The following PHF21A variants were observed in gnomAD, a reference collection of about 807,000 sequenced individuals.
PHF21A encodes the protein BHC80a.
A neutral mutation model predicts 82.5 loss-of-function variants in PHF21A; 11 were observed. The observed-to-expected ratio is 0.13, with a 90% CI of 0.08 to 0.22. The LOEUF (loss-of-function observed/expected upper bound fraction) is 0.22, where lower values mean the gene tolerates loss of function less well. PHF21A is among the 10% of genes least tolerant of loss of function. PHF21A has a pLI of 1.00. For missense variants in PHF21A, 579 were observed against 837.8 expected (o/e 0.69, Z 3.81); for synonymous variants, 297 against 302.8 (o/e 0.98, Z 0.20).
chr11:45,944,852 C>T (rs1222314576), intron 15 of PHF21A, among the ~76,000 whole-genome samples: 4 of 152,216 alleles, frequency 2.6e-5, no homozygotes, highest in African/African-American at 9.6e-5. Context: ...CTGCAACCTC[C>T]GCCTCCTGGG....
intron 6 of PHF21A, among the ~76,000 whole-genome samples, chr11:45,987,510 A>C (rs1213123377): frequency 6.6e-6 from 1 of 150,408 alleles, no homozygotes; most frequent in African/African-American, 2.5e-5. Context: ...AAATACAAAA[A>C]ATTAGCTGGG....
rs5022509 is a variant in PHF21A, at chr11:45,971,894, T to C, written c.361-527A>G. On this transcript the variant is annotated intron_variant, in intron 7 of 18. Coordinates refer to ENST00000676320, the MANE Select transcript of PHF21A (RefSeq NM_001352027.3). ...AAGGACAGTGTCTTTTTCTTTCTTT[T>C]TTTTTTTTTTTATGGTGTCACCCTG... 8.8e-3 allele frequency among the ~76,000 whole-genome samples: 43 copies of C among 4,866 alleles called. 2 individuals carry two copies. Among genetic ancestry groups the C allele is most frequent in the East Asian group, 0.25 (2 of 8 alleles). The allele number at this position is 4,866 out of a possible 152,430, so 3.2% of individuals were successfully genotyped here.
chr11:46,064,651 A>G (rs1354075578), intron 6 of PHF21A, among the ~76,000 whole-genome samples: 1 of 152,192 alleles, frequency 6.6e-6, no homozygotes, highest in Non-Finnish European at 1.5e-5. Context: ...GGGGAAAAAA[A>G]GAAGTGAAGG....
chr11:46,015,321 G>A (rs2095494973), intron 6 of PHF21A, among the ~76,000 whole-genome samples: 4 of 152,142 alleles, frequency 2.6e-5, no homozygotes, highest in Non-Finnish European at 5.9e-5. Context: ...AGTTTCTTTT[G>A]CTATGCAGAA....
intron 1 of PHF21A, among the ~76,000 whole-genome samples, chr11:46,099,111 AATT>A (rs1205853321): frequency 7.9e-5 from 12 of 152,366 alleles, no homozygotes; most frequent in African/African-American, 2.4e-4. Context: ...ACACAGAAGA[AATT>A]AGTGAATTGC....
chr11:46,094,494 G>T (rs1387190647), intron 1 of PHF21A, among the ~76,000 whole-genome samples: 2 of 152,146 alleles, frequency 1.3e-5, no homozygotes, highest in African/African-American at 4.8e-5. Flanking sequence ...ACCCGCTGCA[G>T]GAGTTACTCT....
chr11:46,073,071 G>C (rs1039939050), intron 6 of PHF21A, among the ~76,000 whole-genome samples: 2 of 152,124 alleles, frequency 1.3e-5, no homozygotes, highest in African/African-American at 2.4e-5. Context: ...CATCACGCCT[G>C]TAATCCCAGC....
intron 6 of PHF21A, among the ~76,000 whole-genome samples, chr11:46,066,335 T>C (rs577132362): frequency 1.3e-5 from 2 of 152,196 alleles, no homozygotes; most frequent in Non-Finnish European, 2.9e-5. Context: ...TACATACATA[T>C]AAATATATAT....
At position 45,931,674 on chromosome 11, in the gene PHF21A, G is replaced by A. The variant is rs1274013776; in HGVS notation, c.*2294C>T. The A allele has an allele frequency of 2.6e-5, 4 of 152,220 alleles. No homozygotes were observed. The highest frequency in any genetic ancestry group is 2.1e-4 in the South Asian group (1 of 4,824). 9.4% of individuals were successfully genotyped at this position (152,220 alleles called of 1,614,324 possible). The stretch of plus-strand genomic sequence containing the variant: ...GGGTGGGAGAGAAGCTGATAGGATC[G>A]TTTCTACCTCTCCTAGACTCTGGCC... On this transcript the variant is annotated 3_prime_UTR_variant, in exon 19 of 19. Coordinates refer to ENST00000676320, the MANE Select transcript of PHF21A (RefSeq NM_001352027.3).
chr11:46,057,479 A>G (rs1274417557), intron 6 of PHF21A, among the ~76,000 whole-genome samples: 1 of 152,220 alleles, frequency 6.6e-6, no homozygotes, highest in Non-Finnish European at 1.5e-5. Context: ...TTTAGAAACT[A>G]CAAAACAGAA....
At chr11:46,030,830 CGTGT>C (rs71038879) in intron 6 of PHF21A, among the ~76,000 whole-genome samples, 1,584 of 142,280 alleles carry the variant, frequency 0.011, 14 homozygotes, top group African/African-American at 0.026. Flanking sequence ...CGTGTGTGTG[CGTGT>C]GTGTGTGTGT....
rs533328203 is a variant in PHF21A at position 46,038,094 on chromosome 11, G to C, written c.153+38660C>G. On this transcript the variant is annotated intron_variant, in intron 6 of 18. Transcript: ENST00000676320. ...TTTGTTATCTGCCTCCCTGTATTGA[G>C]TTTACTTGTATACTCCTATTTCTCT... 4.7e-5 allele frequency among the ~76,000 whole-genome samples: 7 copies of C among 150,412 alleles called. No individual in the cohort carries two copies. In the Middle Eastern group the frequency reaches 0.021, roughly 442 times the overall value.
intron 9 of PHF21A, among the ~76,000 whole-genome samples, chr11:45,969,067 C>T (rs2093616009): frequency 6.6e-6 from 1 of 152,030 alleles, no homozygotes; most frequent in Non-Finnish European, 1.5e-5. Flanking sequence ...ACTGCCCATC[C>T]TTCTCCCCAG....
chr11:45,935,845 T>G, intron 17 of PHF21A, 106 bp from the exon 18 acceptor site: 2 of 650,160 alleles, frequency 3.1e-6, no homozygotes, highest in South Asian at 2.0e-5. Flanking sequence ...TCCCCAGAGC[T>G]CCCATGAGTC....
chr11:46,057,269 T>C (rs796537451), intron 6 of PHF21A, among the ~76,000 whole-genome samples: 5 of 152,278 alleles, frequency 3.3e-5, no homozygotes, highest in African/African-American at 1.2e-4. Flanking sequence ...AGCTATAATC[T>C]TTGCATGTCT....
chr11:45,934,462 GA>G (rs1423570247), intron 18 of PHF21A: 2 of 516,488 alleles, frequency 3.9e-6, no homozygotes, highest in African/African-American at 3.9e-5. Context: ...GAGGGAGAAA[GA>G]GCATGCGGGC....
At chr11:46,104,642 A>G (rs1045308507) in intron 1 of PHF21A, among the ~76,000 whole-genome samples, 1 of 152,162 alleles carries the variant, frequency 6.6e-6, no homozygotes, top group Non-Finnish European at 1.5e-5. Flanking sequence ...CTCTTTTCCC[A>G]TGAACTTTTA....
At chr11:46,075,002 T>C (rs890306076) in intron 6 of PHF21A, among the ~76,000 whole-genome samples, 2 of 152,250 alleles carry the variant, frequency 1.3e-5, no homozygotes, top group African/African-American at 4.8e-5. Flanking sequence ...TTTCTAACTC[T>C]AGTTTTACTT....
intron 9 of PHF21A, among the ~76,000 whole-genome samples, chr11:45,967,809 T>G (rs188650640): frequency 6.8e-4 from 103 of 152,328 alleles, no homozygotes; most frequent in African/African-American, 2.3e-3. Context: ...GACTTAACAG[T>G]AAGAAATATA....
Sources: gnomAD v4.1 joint callset for allele counts (sites outside exome capture counted in the v4.1 genomes callset) on GRCh38, gnomAD v4.1.1 for gene constraint, MANE v1.5 for transcripts, NCBI Gene and HGNC (gene_info 2026-07-23, HGNC 2026-07-21) for gene names.